The following ZHX2 variants were observed in gnomAD, a reference collection of about 807,000 sequenced individuals.
ZHX2 encodes zinc fingers and homeoboxes 2, also known as zinc fingers and homeoboxes protein 2.
Under a neutral mutation model 21.9 loss-of-function variants are expected in ZHX2, and 6 were observed. The observed-to-expected ratio is 0.27, with a 90% confidence interval of 0.15 to 0.54. ZHX2 has a LOEUF of 0.54. ZHX2 is among the 20% of genes least tolerant of loss of function. The pLI is 0.95. For missense variants in ZHX2, 908 were observed against 1,090.7 expected (o/e 0.83, Z 2.36); for synonymous variants, 434 against 437.1 (o/e 0.99, Z 0.09).
chr8:122,891,195 CTT>C lies in ZHX2; in HGVS notation c.-220+27660_-220+27661del, dbSNP rs1190192022. 2.0e-5 allele frequency among the ~76,000 whole-genome samples: 3 copies of C among 150,242 alleles called. No homozygotes were observed. The East Asian group carries it at 5.9e-4, about 29-fold the overall frequency. On this transcript the variant is annotated intron_variant, in intron 2 of 3. Coordinates refer to ENST00000314393, the MANE Select transcript of ZHX2 (RefSeq NM_014943.5). ...TCCTAGGCTTTTCTTTGTTGGGAGA[CTT>C]TTTATTTTTGATTTAATCTTCATTA...
At chr8:122,927,808 C>T (rs770386208) in intron 2 of ZHX2, among the ~76,000 whole-genome samples, 6 of 152,158 alleles carry the variant, frequency 3.9e-5, no homozygotes, top group Admixed American at 6.5e-5. Flanking sequence ...TGGGTGGGGA[C>T]AGAGCCAAAC....
chr8:122,853,264 T>G (rs1410647709), intron 1 of ZHX2, among the ~76,000 whole-genome samples: 1 of 152,190 alleles, frequency 6.6e-6, no homozygotes, highest in Non-Finnish European at 1.5e-5. Flanking sequence ...CCAGGAATTT[T>G]TCTGGGGGCT....
intron 1 of ZHX2, among the ~76,000 whole-genome samples, chr8:122,862,201 C>T (rs754087024): frequency 2.0e-5 from 3 of 152,180 alleles, no homozygotes; most frequent in Non-Finnish European, 4.4e-5. Flanking sequence ...GGACCCCTCC[C>T]TCAGCCACTC....
At chr8:122,805,484 G>A (rs2130587260) in intron 1 of ZHX2, among the ~76,000 whole-genome samples, 1 of 152,272 alleles carries the variant, frequency 6.6e-6, no homozygotes, top group Admixed American at 6.5e-5. Context: ...GCACTGAGGT[G>A]GGAAGAACAG....
At chr8:122,797,640 G>A (rs367806661) in intron 1 of ZHX2, among the ~76,000 whole-genome samples, 6 of 152,070 alleles carry the variant, frequency 3.9e-5, no homozygotes, top group East Asian at 3.8e-4. Context: ...CGTCTTTGAC[G>A]CTAAGGACCA....
intron 1 of ZHX2, among the ~76,000 whole-genome samples, chr8:122,860,075 G>A (rs1029753764): frequency 2.6e-5 from 4 of 152,168 alleles, no homozygotes; most frequent in South Asian, 2.1e-4. Context: ...TGGCTGGGGA[G>A]GCCTCAGGAA....
intron 2 of ZHX2, among the ~76,000 whole-genome samples, chr8:122,928,829 T>G (rs1337038110): frequency 6.6e-6 from 1 of 152,154 alleles, no homozygotes; most frequent in Non-Finnish European, 1.5e-5. Flanking sequence ...GTGACAGAGC[T>G]TGGTGCCCCC....
rs1283070504 is a variant in ZHX2, at chr8:122,926,579, G to A, written c.-219-24713G>A. On this transcript the variant is annotated intron_variant, in intron 2 of 3. Coordinates refer to ENST00000314393, the MANE Select transcript of ZHX2 (RefSeq NM_014943.5). ...TTGCAGTTGTTCGCTGTCAGGTGGC[G>A]AGTGCAGATATGAACCATCTGGAAG... 4.6e-5 allele frequency among the ~76,000 whole-genome samples: 7 copies of A among 152,142 alleles called. No individual in the cohort carries two copies. The East Asian group carries it at 7.7e-4, about 17-fold the overall frequency.
intron 2 of ZHX2, among the ~76,000 whole-genome samples, chr8:122,919,999 C>T (rs1365068970): frequency 1.3e-5 from 2 of 152,148 alleles, no homozygotes; most frequent in Non-Finnish European, 2.9e-5. Flanking sequence ...TGAGGCTGGG[C>T]GCAGTGGCTC....
chr8:122,819,445 G>A (rs1372861775), intron 1 of ZHX2, among the ~76,000 whole-genome samples: 1 of 152,212 alleles, frequency 6.6e-6, no homozygotes, highest in Non-Finnish European at 1.5e-5. Flanking sequence ...TACAAAGATG[G>A]CCATAGAAGG....
At chr8:122,911,234 T>C (rs4543543) in intron 2 of ZHX2, among the ~76,000 whole-genome samples, 61,359 of 149,106 alleles carry the variant, frequency 0.41, 12,956 homozygotes, top group South Asian at 0.54. Context: ...TAGCTGTTCG[T>C]CTTCCCTGGT....
chr8:122,920,290 A>G (rs1374693681), intron 2 of ZHX2, among the ~76,000 whole-genome samples: 1 of 152,184 alleles, frequency 6.6e-6, no homozygotes, highest in East Asian at 1.9e-4. Context: ...CAAACAAAAA[A>G]AAAATTCAAA....
intron 2 of ZHX2, among the ~76,000 whole-genome samples, chr8:122,878,141 G>A (rs1819614097): frequency 6.6e-6 from 1 of 152,032 alleles, no homozygotes; most frequent in Non-Finnish European, 1.5e-5. Flanking sequence ...CAAAGATAGA[G>A]GCAAAGAAAG....
intron 2 of ZHX2, among the ~76,000 whole-genome samples, chr8:122,927,664 A>G (rs1428224285): frequency 6.6e-6 from 1 of 152,220 alleles, no homozygotes; most frequent in Non-Finnish European, 1.5e-5. Flanking sequence ...TAAAACCATC[A>G]GATCTCATGA....
At chr8:122,819,832 C>T (rs539818217) in intron 1 of ZHX2, among the ~76,000 whole-genome samples, 3 of 152,324 alleles carry the variant, frequency 2.0e-5, no homozygotes, top group South Asian at 2.1e-4. Flanking sequence ...CACAAGAGGC[C>T]GGACACCTTT....
intron 2 of ZHX2, among the ~76,000 whole-genome samples, chr8:122,921,375 T>C (rs545050886): frequency 6.6e-6 from 1 of 152,176 alleles, no homozygotes; most frequent in African/African-American, 2.4e-5. Context: ...TGACCTACCG[T>C]GCCCGGCTTG....
intron 1 of ZHX2, among the ~76,000 whole-genome samples, chr8:122,796,360 G>A (rs1360690801): frequency 6.6e-5 from 10 of 152,116 alleles, no homozygotes; most frequent in African/African-American, 2.4e-4. Context: ...TCAAGACACT[G>A]TCCTCTTGCA....
At chr8:122,957,932 CAT>C (rs1813351666) in intron 3 of ZHX2, among the ~76,000 whole-genome samples, 2 of 152,228 alleles carry the variant, frequency 1.3e-5, no homozygotes, top group Admixed American at 6.5e-5. Flanking sequence ...GAACCAAACA[CAT>C]GAGTCTCTTG....
intron 2 of ZHX2, among the ~76,000 whole-genome samples, chr8:122,886,088 C>T (rs1480719404): frequency 6.6e-6 from 1 of 152,118 alleles, no homozygotes; most frequent in Non-Finnish European, 1.5e-5. Flanking sequence ...GAATGCCCTT[C>T]AGTAGGTGAA....
Sources: gnomAD v4.1 joint callset for allele counts (sites outside exome capture counted in the v4.1 genomes callset) on GRCh38, gnomAD v4.1.1 for gene constraint, MANE v1.5 for transcripts, NCBI Gene and HGNC (gene_info 2026-07-23, HGNC 2026-07-21) for gene names.